The following SOX6 variants were observed in gnomAD, a reference collection of about 807,000 sequenced individuals.
SOX6 encodes transcription factor SOX-6.
SOX6 carries 11 observed loss-of-function variants against 97.8 expected under a neutral mutation model. The ratio of observed to expected loss-of-function variants is 0.11; its 90% CI spans 0.07 to 0.19. The LOEUF is 0.19. Among genes scored for constraint, SOX6 ranks in the 10% least tolerant of loss-of-function variants. SOX6 has a pLI of 1.00. For synonymous variants in SOX6, 360 were observed against 371.4 expected, an observed-to-expected ratio of 0.97 and a Z score of 0.35; for missense variants, 810 against 1,039.5, an observed-to-expected ratio of 0.78 and a Z score of 3.04.
chr11:16,106,775 T>C (rs1177483526), intron 7 of SOX6, among the ~76,000 whole-genome samples: 2 of 151,980 alleles, frequency 1.3e-5, no homozygotes, highest in African/African-American at 4.8e-5. Flanking sequence ...CTTTAGTGTA[T>C]AAAAAGATAC....
chr11:16,465,445 T>G (rs899024439), intron 1 of SOX6, among the ~76,000 whole-genome samples: 5 of 152,226 alleles, frequency 3.3e-5, no homozygotes, highest in Non-Finnish European at 7.3e-5. Flanking sequence ...TTCTACTATA[T>G]ATATATAATA....
At chr11:16,170,550 C>T (rs1851011221) in intron 6 of SOX6, among the ~76,000 whole-genome samples, 1 of 151,966 alleles carries the variant, frequency 6.6e-6, no homozygotes, top group African/African-American at 2.4e-5. Context: ...AGTGACGGTA[C>T]ATCTCCCAGC....
intron 9 of SOX6, among the ~76,000 whole-genome samples, chr11:16,066,721 G>T (rs560629020): frequency 2.0e-5 from 3 of 152,238 alleles, no homozygotes; most frequent in African/African-American, 7.2e-5. Context: ...TGGAGATAGA[G>T]AGTAGAAAGA....
At chr11:15,998,082 AAAAATAAAATAAAATAAAT>A (rs1854284859) in intron 13 of SOX6, among the ~76,000 whole-genome samples, 1 of 151,876 alleles carries the variant, frequency 6.6e-6, no homozygotes, top group African/African-American at 2.4e-5. Context: ...TCCATCTCAA[AAAAATAAAATAAAATAAAT>A]AAAATAAAAT....
intron 4 of SOX6, among the ~76,000 whole-genome samples, chr11:16,209,684 C>T (rs552910043): frequency 2.0e-5 from 3 of 152,084 alleles, no homozygotes; most frequent in Admixed American, 6.6e-5. Flanking sequence ...GCCTGGAAGG[C>T]GGAGATGGTA....
intron 4 of SOX6, among the ~76,000 whole-genome samples, chr11:16,196,834 T>C (rs1279980382): frequency 1.5e-4 from 21 of 143,242 alleles, no homozygotes; most frequent in Non-Finnish European, 2.3e-4. Flanking sequence ...CTTCTTCTTT[T>C]TTTTTTTTTT....
intron 9 of SOX6, among the ~76,000 whole-genome samples, chr11:16,076,458 C>T (rs1293435609): frequency 1.3e-5 from 2 of 149,298 alleles, no homozygotes; most frequent in African/African-American, 2.5e-5. Flanking sequence ...CATTAATAGA[C>T]ACTTTTCAAA....
intron 3 of SOX6, among the ~76,000 whole-genome samples, chr11:16,309,677 A>G (rs1396204254): frequency 1.3e-5 from 2 of 152,108 alleles, no homozygotes; most frequent in Admixed American, 6.6e-5. Context: ...TACATATCAA[A>G]TATTACATAA....
At chr11:16,249,407 C>T (rs1853441783) in intron 3 of SOX6, among the ~76,000 whole-genome samples, 1 of 152,194 alleles carries the variant, frequency 6.6e-6, no homozygotes, top group African/African-American at 2.4e-5. Context: ...CCAACAAGTT[C>T]CTTATCTCCA....
intron 4 of SOX6, among the ~76,000 whole-genome samples, chr11:16,577,936 A>G (rs1847997890): frequency 6.6e-6 from 1 of 152,110 alleles, no homozygotes; most frequent in Non-Finnish European, 1.5e-5. Context: ...TTGATGTCCA[A>G]TTCATCTTTT....
At chr11:16,377,911 G>A (rs975321138) in intron 1 of SOX6, among the ~76,000 whole-genome samples, 29 of 152,126 alleles carry the variant, frequency 1.9e-4, no homozygotes, top group African/African-American at 6.5e-4. Flanking sequence ...AAAACACTAC[G>A]GTTTCAAACT....
At chr11:16,155,216 C>T (rs931848508) in intron 6 of SOX6, among the ~76,000 whole-genome samples, 1 of 152,102 alleles carries the variant, frequency 6.6e-6, no homozygotes, top group Admixed American at 6.6e-5. Flanking sequence ...TCTAGATTCT[C>T]ATAGAAAGAG....
At chr11:16,565,112 A>C (rs1847855455) in intron 4 of SOX6, among the ~76,000 whole-genome samples, 1 of 152,170 alleles carries the variant, frequency 6.6e-6, no homozygotes, top group Non-Finnish European at 1.5e-5. Flanking sequence ...TTAGTAATGA[A>C]ATAGGGGATA....
intron 1 of SOX6, among the ~76,000 whole-genome samples, chr11:16,370,913 C>A (rs561620555): frequency 2.0e-5 from 3 of 152,004 alleles, no homozygotes; most frequent in Non-Finnish European, 2.9e-5. Context: ...CTGTAATAGC[C>A]GCTTAAGTGG....
At chr11:16,681,704 T>C (rs1301483549) in intron 3 of SOX6, among the ~76,000 whole-genome samples, 2 of 151,996 alleles carry the variant, frequency 1.3e-5, no homozygotes, top group Non-Finnish European at 2.9e-5. Flanking sequence ...ACAAAATAGA[T>C]AGACCACTAG....
In SOX6 at chr11:16,132,444, AAAAGAAAGAAAGAAAGAAAG is replaced by A. The variant is rs59652288; in HGVS notation, c.778-20541_778-20522del. On this transcript the variant is annotated intron_variant, in intron 6 of 15. Coordinates refer to ENST00000683767, the MANE Select transcript of SOX6 (RefSeq NM_001367873.1). ...AAGAAAGAAAGAAAGAAAGAAAGAA[AAAAGAAAGAAAGAAAGAAAG>A]AAAGAAAGAAAGAAAGAAAGAAAGA... Among the ~76,000 whole-genome samples, 4 of 27,240 alleles carry A rather than the reference AAAAGAAAGAAAGAAAGAAAG, an allele frequency of 1.5e-4. 1 individual carries two copies. The highest frequency in any genetic ancestry group is 3.0e-3 in the East Asian group (2 of 672). The allele number at this position is 27,240 out of a possible 152,430, so 17.9% of individuals were successfully genotyped here.
At chr11:16,696,685 G>A (rs1317680044) in intron 3 of SOX6, among the ~76,000 whole-genome samples, 6 of 151,994 alleles carry the variant, frequency 3.9e-5, no homozygotes, top group East Asian at 1.9e-4. Context: ...AATAATTATC[G>A]GGGCCTTCAG....
intron 2 of SOX6, among the ~76,000 whole-genome samples, chr11:16,716,064 G>A (rs771581559): frequency 2.6e-5 from 4 of 152,012 alleles, no homozygotes; most frequent in African/African-American, 4.8e-5. Flanking sequence ...GTGAAACCTC[G>A]TCTCTACTAA....
chr11:16,272,606 C>A (rs915864776), intron 3 of SOX6, among the ~76,000 whole-genome samples: 2 of 151,654 alleles, frequency 1.3e-5, no homozygotes, highest in African/African-American at 4.8e-5. Context: ...ATAATTACTG[C>A]AATTGTTATA....
Sources: allele counts gnomAD v4.1 joint callset (sites outside exome capture counted in the v4.1 genomes callset), GRCh38; gene constraint gnomAD v4.1.1; transcripts MANE v1.5; gene names NCBI Gene and HGNC (gene_info 2026-07-23, HGNC 2026-07-21).